The following SPOP variants were observed in gnomAD, a reference collection of about 807,000 sequenced individuals.
The protein encoded by SPOP is speckle-type POZ protein.
Under a neutral mutation model 45.6 loss-of-function variants are expected in SPOP, and 11 were observed. That is an observed-to-expected ratio of 0.24 (90% CI 0.15 to 0.40). The LOEUF is 0.40. SPOP is among the 10% of genes least tolerant of loss of function. The pLI is 1.00. For missense variants in SPOP, 152 were observed against 465.6 expected (o/e 0.33, Z 6.20); for synonymous variants, 166 against 166.3 (o/e 1.00, Z 0.01).
chr17:49,625,935 A>AT (rs1466278929), intron 1 of SPOP, among the ~76,000 whole-genome samples: 8 of 152,320 alleles, frequency 5.3e-5, no homozygotes, highest in African/African-American at 1.7e-4. Flanking sequence ...GATAATACAA[A>AT]TATCTGTTAA....
intron 1 of SPOP, among the ~76,000 whole-genome samples, chr17:49,641,188 GGGAGGT>G (rs1201286444): frequency 6.8e-6 from 1 of 147,928 alleles, no homozygotes; most frequent in African/African-American, 2.5e-5. Context: ...GCTTGAACCT[GGGAGGT>G]GGAGGTTGCA....
At chr17:49,646,343 C>T (rs1005347945) in intron 1 of SPOP, 11 of 152,298 alleles carry the variant, frequency 7.2e-5, no homozygotes, top group East Asian at 3.9e-4. Context: ...GTGGGCAGAT[C>T]ACTTGAGGTC....
intron 1 of SPOP, among the ~76,000 whole-genome samples, chr17:49,660,635 C>T (rs899186198): frequency 3.3e-5 from 5 of 152,156 alleles, no homozygotes; most frequent in African/African-American, 4.8e-5. Flanking sequence ...TCCCTGACTC[C>T]TCCACCTAAA....
At chr17:49,618,898 A>G in intron 5 of SPOP, 83 bp downstream of exon 5, 18 of 1,485,390 alleles carry the variant, frequency 1.2e-5, no homozygotes, top group Non-Finnish European at 1.6e-5. Context: ...TTCTTACTCT[A>G]CATCCCTGAT....
At chr17:49,606,222 T>C (rs1021234115) in intron 8 of SPOP, among the ~76,000 whole-genome samples, 13 of 152,110 alleles carry the variant, frequency 8.5e-5, no homozygotes, top group South Asian at 2.1e-4. Context: ...GGTGCAATCA[T>C]GGCTCACTGT....
At position 49,629,836 on chromosome 17, in the gene SPOP, A is replaced by G. The variant is rs185100151; in HGVS notation, c.-66-6960T>C. On this transcript the variant is annotated intron_variant, in intron 1 of 9. Transcript: ENST00000504102. ...GAGAGAGGCATGAATCTCATACATG[A>G]TATCTATGAATTAGCCTTACTTATA... Among the ~76,000 whole-genome samples, 83 of 152,350 alleles carry G rather than the reference A, an allele frequency of 5.4e-4. 1 individual carries two copies. Among genetic ancestry groups the G allele is most frequent in the African/African-American group, 1.9e-3 (80 of 41,576 alleles).
chr17:49,653,934 GAA>G (rs886075522), intron 1 of SPOP, among the ~76,000 whole-genome samples: 15 of 152,000 alleles, frequency 9.9e-5, no homozygotes, highest in African/African-American at 3.1e-4. Context: ...GATACAGACA[GAA>G]AAAAAGTTTT....
intron 3 of SPOP, among the ~76,000 whole-genome samples, chr17:49,620,114 G>C (rs1445121542): frequency 2.0e-5 from 3 of 151,778 alleles, no homozygotes; most frequent in African/African-American, 7.3e-5. Context: ...AGGTTGCAGT[G>C]AGCTGAGATC....
At chr17:49,647,313 TAAAAAAAAAAAAA>T (rs1156781114) in intron 1 of SPOP, among the ~76,000 whole-genome samples, 518 of 43,166 alleles carry the variant, frequency 0.012, 12 homozygotes, top group South Asian at 0.014. Flanking sequence ...GATGCCGTCT[TAAAAAAAAAAAAA>T]AAAAAAAAAA....
chr17:49,619,491 A>G lies in SPOP; in HGVS notation c.201-106T>C, dbSNP rs1356111774. 3 of 1,233,428 alleles carry G rather than the reference A, an allele frequency of 2.4e-6. No individual in the cohort carries two copies. Among genetic ancestry groups the G allele is most frequent in the East Asian group, 2.5e-5 (1 of 39,658 alleles). 76.4% of individuals were successfully genotyped at this position (1,233,428 alleles called of 1,614,324 possible). On this transcript the variant is annotated intron_variant, in intron 3 of 9. Coordinates refer to ENST00000504102, the MANE Select transcript of SPOP (RefSeq NM_001007228.2). This position sits in a 1 kb window ranked among gnomAD's most constrained non-coding sequence, Gnocchi z 4.9. ...TGTTTAAAAAACAAATGCAGGCCCC[A>G]TAGAAGAATATAATTCAGTAGAATG...
chr17:49,667,294 A>T (rs1417878716), intron 1 of SPOP, among the ~76,000 whole-genome samples: 1 of 76,858 alleles, frequency 1.3e-5, no homozygotes, highest in Non-Finnish European at 3.2e-5. Flanking sequence ...CCAGAGCCTT[A>T]AAAAAAAAAA....
intron 5 of SPOP, chr17:49,618,365 G>C (rs1043475687): frequency 2.4e-5 from 8 of 337,916 alleles, no homozygotes; most frequent in Non-Finnish European, 1.2e-5. Context: ...TTATTTCAAG[G>C]CTTCTCCTGT....
rs142247620 is a variant in SPOP at position 49,601,942 on chromosome 17, G to A, written c.903C>T (p.Asn301=). Reference sequence around the variant, plus strand: ...CGGCCAGGATGAGAATTTCTGCAGCGTTCTCCACGGACAGGTTACTGCAGA... The same window carrying A: ...CGGCCAGGATGAGAATTTCTGCAGCATTCTCCACGGACAGGTTACTGCAGA... ...DALCSNLSVE[N]AAEILILADL... Residue 301 remains asparagine, a synonymous_variant, in exon 9 of 10, where the codon AAC becomes AAT. Coordinates refer to ENST00000504102, the MANE Select transcript of SPOP (RefSeq NM_001007228.2). 622 of 1,614,114 alleles carry A rather than the reference G, an allele frequency of 3.9e-4. 2 individuals carry two copies. In the South Asian group the frequency reaches 4.1e-3, roughly 11 times the overall value.
intron 1 of SPOP, chr17:49,646,699 T>C (rs1281211535): frequency 6.6e-6 from 1 of 152,206 alleles, no homozygotes; most frequent in Non-Finnish European, 1.5e-5. Flanking sequence ...TATGATCTTA[T>C]TTGGGATTTT....
rs111478969 is a variant in SPOP at position 49,602,114 on chromosome 17, T to C, written c.838-107A>G. 3.4e-5 allele frequency: 45 copies of C among 1,311,088 alleles called. 1 individual carries two copies. Among genetic ancestry groups the C allele is most frequent in the African/African-American group, 3.2e-4 (22 of 68,446 alleles). The allele number at this position is 1,311,088 out of a possible 1,614,324, so 81.2% of individuals were successfully genotyped here. A position where few individuals can be genotyped will look rare whatever the true frequency, so the allele number is the denominator to read the frequency against. ...CCATCATATTAACTAGATACTTGAA[T>C]AGAACTGCACAGACCATGAAAAGCT... is the stretch of plus-strand genomic sequence containing the variant. On this transcript the variant is annotated intron_variant, in intron 8 of 9. Coordinates refer to ENST00000504102, the MANE Select transcript of SPOP (RefSeq NM_001007228.2).
intron 8 of SPOP, among the ~76,000 whole-genome samples, chr17:49,605,671 C>G (rs904232767): frequency 6.7e-6 from 1 of 149,772 alleles, no homozygotes; most frequent in Admixed American, 6.7e-5. Context: ...GCCTGGGCAA[C>G]AGAATGAGAC....
intron 1 of SPOP, among the ~76,000 whole-genome samples, chr17:49,641,751 G>A (rs1286281555): frequency 6.6e-6 from 1 of 152,128 alleles, no homozygotes; most frequent in Non-Finnish European, 1.5e-5. Flanking sequence ...GCCAGGCACG[G>A]TGGCTCACGC....
At chr17:49,665,695 C>CACACACACACACACACACACACA (rs55985992) in intron 1 of SPOP, among the ~76,000 whole-genome samples, 3 of 143,106 alleles carry the variant, frequency 2.1e-5, no homozygotes, top group Non-Finnish European at 4.6e-5. Flanking sequence ...CACACACACA[C>CACACACACACACACACACACACA]CAATCTGGCC....
chr17:49,634,404 A>C (rs964300510), intron 1 of SPOP, among the ~76,000 whole-genome samples: 1 of 152,236 alleles, frequency 6.6e-6, no homozygotes, highest in Admixed American at 6.5e-5. Context: ...GAGCTGAAAA[A>C]GGATCAGAAA....
Sources: allele counts gnomAD v4.1 joint callset (sites outside exome capture counted in the v4.1 genomes callset), GRCh38; gene constraint gnomAD v4.1.1; non-coding constraint Gnocchi (gnomAD v3.1); transcripts MANE v1.5; gene names NCBI Gene and HGNC (gene_info 2026-07-23, HGNC 2026-07-21).